The following TPRG1 variants were observed in gnomAD, a reference collection of about 807,000 sequenced individuals.
TPRG1 encodes tumor protein p63-regulated gene 1 protein.
In TPRG1, 29 loss-of-function variants were observed where a neutral mutation model predicts 29.3. That is an observed-to-expected ratio of 0.99 (90% CI 0.74 to 1.35). The LOEUF is 1.35. Among genes scored for constraint, TPRG1 ranks in the 40% most tolerant of loss-of-function variants. TPRG1 has a pLI of 0.00. For missense variants in TPRG1, 327 were observed against 335.0 expected (o/e 0.98, Z 0.19); for synonymous variants, 130 against 116.8 (o/e 1.11, Z -0.73).
chr3:189,044,555 C>CAA (rs11431509), intron 4 of TPRG1, among the ~76,000 whole-genome samples: 120 of 98,782 alleles, frequency 1.2e-3, no homozygotes, highest in Middle Eastern at 5.6e-3. Context: ...AACTCCGTCT[C>CAA]AAAAAAAAAA....
intron 3 of TPRG1, among the ~76,000 whole-genome samples, chr3:189,014,291 T>G (rs1712806479): frequency 6.6e-6 from 1 of 152,150 alleles, no homozygotes. Context: ...GGATATGAAA[T>G]TCTTGGTTGA....
chr3:189,028,907 T>C (rs1379288748), intron 4 of TPRG1, among the ~76,000 whole-genome samples: 2 of 152,156 alleles, frequency 1.3e-5, no homozygotes, highest in Non-Finnish European at 2.9e-5. Flanking sequence ...AATAGGCATT[T>C]TAATAAAAAT....
intron 4 of TPRG1, among the ~76,000 whole-genome samples, chr3:189,241,385 A>G (rs1740559870): frequency 6.6e-6 from 1 of 151,892 alleles, no homozygotes; most frequent in Non-Finnish European, 1.5e-5. Flanking sequence ...AAGCCATATT[A>G]TTTATTTTTC....
chr3:189,295,493 T>C (rs1719740218), intron 4 of TPRG1, among the ~76,000 whole-genome samples: 1 of 101,026 alleles, frequency 9.9e-6, no homozygotes, highest in Admixed American at 1.1e-4. Context: ...ACTACTCAGA[T>C]TGCAAAAAAA....
chr3:189,245,306 G>T (rs139719547), intron 4 of TPRG1, among the ~76,000 whole-genome samples: 2 of 151,992 alleles, frequency 1.3e-5, no homozygotes, highest in Admixed American at 1.3e-4. Context: ...TGCAGCCCAA[G>T]GTTATTGATT....
At chr3:189,097,079 G>A (rs1005037275), upstream of TPRG1, among the ~76,000 whole-genome samples, 11 of 152,112 alleles carry the variant, frequency 7.2e-5, no homozygotes, top group Admixed American at 1.3e-4. Flanking sequence ...GTAACACTAC[G>A]CATTTGGTCA....
upstream of TPRG1, among the ~76,000 whole-genome samples, chr3:189,168,613 A>G (rs2108651925): frequency 6.6e-6 from 1 of 152,260 alleles, no homozygotes; most frequent in East Asian, 1.9e-4. Flanking sequence ...AACTAACTAT[A>G]AGAGGGCGGT....
chr3:189,057,040 G>A (rs1659265712), intron 4 of TPRG1, among the ~76,000 whole-genome samples: 1 of 152,170 alleles, frequency 6.6e-6, no homozygotes, highest in Non-Finnish European at 1.5e-5. Flanking sequence ...TCCCCTTGAA[G>A]CATTGCTAAA....
chr3:189,030,086 C>T (rs2152129091), intron 4 of TPRG1, among the ~76,000 whole-genome samples: 1 of 152,258 alleles, frequency 6.6e-6, no homozygotes, highest in Middle Eastern at 3.4e-3. Flanking sequence ...TTCTCTTTTT[C>T]TATGCTCTTT....
At chr3:189,239,127 T>C (rs1173054099) in intron 4 of TPRG1, among the ~76,000 whole-genome samples, 1 of 152,170 alleles carries the variant, frequency 6.6e-6, no homozygotes, top group Non-Finnish European at 1.5e-5. Flanking sequence ...ACACTGCTCA[T>C]AAAGACATAC....
At chr3:189,156,932 G>A (rs1479819492) in intron 5 of TPRG1, among the ~76,000 whole-genome samples, 1 of 152,212 alleles carries the variant, frequency 6.6e-6, no homozygotes, top group Non-Finnish European at 1.5e-5. Context: ...TCCTTAAATT[G>A]ATAATCACTG....
intron 4 of TPRG1, among the ~76,000 whole-genome samples, chr3:189,070,281 G>A (rs979742477): frequency 2.0e-5 from 3 of 152,098 alleles, no homozygotes; most frequent in African/African-American, 7.2e-5. Context: ...AGGCAGGAGA[G>A]GGGTGAGTAT....
chr3:189,160,728 C>T (rs1225824412), intron 5 of TPRG1, among the ~76,000 whole-genome samples: 2 of 152,210 alleles, frequency 1.3e-5, no homozygotes, highest in Non-Finnish European at 2.9e-5. Context: ...CCTTGCCCCA[C>T]CCTGTTTACC....
intron 4 of TPRG1, among the ~76,000 whole-genome samples, chr3:189,057,103 G>A (rs75900704): frequency 1.6e-4 from 25 of 152,314 alleles, no homozygotes; most frequent in Middle Eastern, 3.4e-3. Flanking sequence ...TCTAGGGCCC[G>A]TTAGGATTGG....
intron 3 of TPRG1, among the ~76,000 whole-genome samples, chr3:189,224,516 A>T (rs1362494208): frequency 6.6e-6 from 1 of 152,130 alleles, no homozygotes; most frequent in African/African-American, 2.4e-5. Flanking sequence ...AAAAACATTC[A>T]TGGAAAAGAG....
rs376226959 is a variant in TPRG1, at chr3:189,270,804, A to AC, written c.479+31896dup. On this transcript the variant is annotated intron_variant, in intron 4 of 5. Coordinates refer to ENST00000345063, the MANE Select transcript of TPRG1 (RefSeq NM_198485.4). Reference sequence around the variant, plus strand: ...AAGATTAACAAACATCCTGAAGGCCACAAAGCTAGCCAGTGCTTTACCTGA... The same window carrying AC: ...AAGATTAACAAACATCCTGAAGGCCACCAAAGCTAGCCAGTGCTTTACCTGA... 3.8e-3 allele frequency among the ~76,000 whole-genome samples: 580 copies of AC among 152,300 alleles called. 3 individuals carry two copies. The highest frequency in any genetic ancestry group is 0.013 in the African/African-American group (555 of 41,566).
chr3:189,031,256 A>G lies in TPRG1; in HGVS notation c.-463+7310A>G, dbSNP rs2687311. 5.8e-4 allele frequency among the ~76,000 whole-genome samples: 88 copies of G among 151,518 alleles called. No individual in the cohort carries two copies. The East Asian group carries it at 0.016, about 27-fold the overall frequency. On this transcript the variant is annotated intron_variant, in intron 4 of 10. Transcript: ENST00000433971. The stretch of plus-strand genomic sequence containing the variant: ...CAGTGAGCCGCGATTGCGCCACTGC[A>G]CTCCAGCCTGGGCGACAGAGCGAGA...
rs1553931563 is a variant in TPRG1 at position 189,250,508 on chromosome 3, C to CACCCCA, written c.479+11599_479+11600insACCCCA. Among the ~76,000 whole-genome samples the CACCCCA allele has an allele frequency of 3.7e-5, 3 of 80,248 alleles. No homozygotes were observed. The East Asian group carries it at 1.3e-3, about 34-fold the overall frequency. 52.6% of individuals were successfully genotyped at this position (80,248 alleles called of 152,430 possible). A position where few individuals can be genotyped will look rare whatever the true frequency, so the allele number is the denominator to read the frequency against. ...TGTTAACAAGTTCTGATTTCCGCCC[C>CACCCCA]CCCCCCCCCACCCAGATTAAAGCTT... is the stretch of plus-strand genomic sequence containing the variant. On this transcript the variant is annotated intron_variant, in intron 4 of 5. Coordinates refer to ENST00000345063, the MANE Select transcript of TPRG1 (RefSeq NM_198485.4).
chr3:189,134,311 A>C (rs575618082), intron 3 of TPRG1, among the ~76,000 whole-genome samples: 1 of 152,238 alleles, frequency 6.6e-6, no homozygotes, highest in African/African-American at 2.4e-5. Flanking sequence ...TGTTCAGTAC[A>C]AGTAGTATCC....
Sources: allele counts gnomAD v4.1 joint callset (sites outside exome capture counted in the v4.1 genomes callset), GRCh38; gene constraint gnomAD v4.1.1; transcripts MANE v1.5; gene names NCBI Gene and HGNC (gene_info 2026-07-23, HGNC 2026-07-21).